Variants in XPR1 observed in about 807,000 individuals in gnomAD.
The protein encoded by XPR1 is xenotropic and polytropic retrovirus receptor 1.
A neutral mutation model predicts 87.5 loss-of-function variants in XPR1; 28 were observed. That is an observed-to-expected ratio of 0.32 (90% CI 0.24 to 0.44). XPR1 has a LOEUF of 0.44. Ranked by LOEUF, XPR1 falls within the 20% of genes least tolerant of loss-of-function variation. The pLI is 1.00. For synonymous variants in XPR1, 300 were observed against 306.1 expected (o/e 0.98, Z 0.21); for missense variants, 559 against 862.3 (o/e 0.65, Z 4.41).
At chr1:180,848,097 A>T (rs1048730562) in intron 11 of XPR1, among the ~76,000 whole-genome samples, 1 of 152,224 alleles carries the variant, frequency 6.6e-6, no homozygotes. Flanking sequence ...TATAGGGTAC[A>T]TAGTGATGTT....
chr1:180,819,671 A>G (rs950545615), intron 7 of XPR1, among the ~76,000 whole-genome samples: 1 of 152,208 alleles, frequency 6.6e-6, no homozygotes, highest in Non-Finnish European at 1.5e-5. Flanking sequence ...CAGAATTAGA[A>G]AATTTTGATA....
At chr1:180,723,597 A>T (rs142038450) in intron 2 of XPR1, among the ~76,000 whole-genome samples, 115 of 152,288 alleles carry the variant, frequency 7.6e-4, no homozygotes, top group African/African-American at 2.7e-3. Flanking sequence ...AGACTAGATG[A>T]CATAATATAG....
chr1:180,697,778 T>A (rs899920970), intron 2 of XPR1, among the ~76,000 whole-genome samples: 1 of 152,190 alleles, frequency 6.6e-6, no homozygotes, highest in Non-Finnish European at 1.5e-5. Context: ...TGTTATTGAT[T>A]TATAGTTTTA....
intron 9 of XPR1, among the ~76,000 whole-genome samples, chr1:180,826,575 A>G (rs1449338915): frequency 1.3e-5 from 2 of 152,138 alleles, no homozygotes; most frequent in Non-Finnish European, 2.9e-5. Context: ...GAAAGAAACA[A>G]AGAAAGTAAA....
chr1:180,722,707 G>C (rs567566148), intron 2 of XPR1, among the ~76,000 whole-genome samples: 192 of 152,266 alleles, frequency 1.3e-3, no homozygotes, highest in African/African-American at 4.5e-3. Flanking sequence ...TTAAAATAGA[G>C]TTCAGGCTGT....
chr1:180,692,872 A>G (rs866315686), intron 2 of XPR1, among the ~76,000 whole-genome samples: 1 of 152,166 alleles, frequency 6.6e-6, no homozygotes, highest in Non-Finnish European at 1.5e-5. Flanking sequence ...GCAATGAAGA[A>G]ATGTTATAAA....
At chr1:180,753,793 A>G (rs973109639) in intron 2 of XPR1, among the ~76,000 whole-genome samples, 3 of 152,224 alleles carry the variant, frequency 2.0e-5, no homozygotes, top group South Asian at 4.1e-4. Context: ...ACTGCTAAAC[A>G]TATATTTGTG....
chr1:180,696,208 G>GTATA (rs71121045), intron 2 of XPR1, among the ~76,000 whole-genome samples: 1,113 of 88,494 alleles, frequency 0.013, 16 homozygotes, highest in East Asian at 0.023. Context: ...GTGTGTGTGT[G>GTATA]TATATATATA....
intron 11 of XPR1, among the ~76,000 whole-genome samples, chr1:180,851,234 A>G (rs1651860707): frequency 6.6e-6 from 1 of 152,188 alleles, no homozygotes; most frequent in Non-Finnish European, 1.5e-5. Context: ...TACTGGTTCA[A>G]AGGAGAGACA....
intron 1 of XPR1, among the ~76,000 whole-genome samples, chr1:180,676,982 T>C (rs1371125327): frequency 6.6e-6 from 1 of 152,192 alleles, no homozygotes; most frequent in Non-Finnish European, 1.5e-5. Context: ...GTATGATGTT[T>C]GATGACACCA....
chr1:180,822,613 G>T (rs552863143), intron 7 of XPR1, among the ~76,000 whole-genome samples: 2 of 152,128 alleles, frequency 1.3e-5, no homozygotes, highest in East Asian at 1.9e-4. Flanking sequence ...TCAAATGAAG[G>T]AATAAAGTTT....
At chr1:180,770,403 C>A (rs1365798617) in intron 2 of XPR1, among the ~76,000 whole-genome samples, 1 of 152,040 alleles carries the variant, frequency 6.6e-6, no homozygotes, top group East Asian at 1.9e-4. Context: ...GGAGAGAGAT[C>A]TCATGTGTTT....
intron 6 of XPR1, 24 bp downstream of exon 6, chr1:180,806,581 T>A (rs1221994110): frequency 6.3e-6 from 10 of 1,599,112 alleles, no homozygotes; most frequent in Non-Finnish European, 8.6e-6. Context: ...TCCAGTAGTT[T>A]GTTTGGTTTC....
In XPR1 at chr1:180,863,951, C is replaced by T. The variant is rs12092161; in HGVS notation, c.1668+77C>T. The T allele has an allele frequency of 9.0e-3, 10,705 of 1,193,954 alleles. 766 individuals carry two copies. In the African/African-American group the frequency reaches 0.15, roughly 16 times the overall value. 74.0% of individuals were successfully genotyped at this position (1,193,954 alleles called of 1,614,324 possible). A position where few individuals can be genotyped will look rare whatever the true frequency, so the allele number is the denominator to read the frequency against. On this transcript the variant is annotated intron_variant, in intron 12 of 14. Transcript: ENST00000367590. ...AGCTAATCCTGTTGCAGTACAGACC[C>T]AACCTCTAATTATATTACTCTAATA...
At chr1:180,671,403 A>G (rs1656165778) in intron 1 of XPR1, among the ~76,000 whole-genome samples, 2 of 152,242 alleles carry the variant, frequency 1.3e-5, no homozygotes, top group South Asian at 2.1e-4. Flanking sequence ...AATTGACTGT[A>G]TCAGATCTGT....
chr1:180,773,262 C>T (rs978876865), intron 2 of XPR1, among the ~76,000 whole-genome samples: 4 of 151,962 alleles, frequency 2.6e-5, no homozygotes, highest in African/African-American at 9.7e-5. Flanking sequence ...AATGTTCAGA[C>T]GGGAGAACAA....
intron 11 of XPR1, among the ~76,000 whole-genome samples, chr1:180,846,137 C>T (rs1651671904): frequency 6.6e-6 from 1 of 151,806 alleles, no homozygotes; most frequent in African/African-American, 2.4e-5. Flanking sequence ...TGGCATGCAC[C>T]TGTAATTCCA....
chr1:180,726,088 A>G (rs1004087732), intron 2 of XPR1, among the ~76,000 whole-genome samples: 1 of 152,196 alleles, frequency 6.6e-6, no homozygotes, highest in Admixed American at 6.5e-5. Flanking sequence ...GAGTGTAAAC[A>G]CGCCAATCAG....
chr1:180,673,529 A>G (rs12084562), intron 1 of XPR1, among the ~76,000 whole-genome samples: 3,100 of 152,296 alleles, frequency 0.02, 107 homozygotes, highest in African/African-American at 0.071. Flanking sequence ...GTACTGGGCC[A>G]TGGCCTGTTA....
Sources: allele counts gnomAD v4.1 joint callset (sites outside exome capture counted in the v4.1 genomes callset), GRCh38; gene constraint gnomAD v4.1.1; transcripts MANE v1.5; gene names NCBI Gene and HGNC (gene_info 2026-07-23, HGNC 2026-07-21).